The following FSTL5 variants were observed in gnomAD, a reference collection of about 807,000 sequenced individuals.
FSTL5 encodes follistatin like 5.
In FSTL5, 62 loss-of-function variants were observed where a neutral mutation model predicts 89.1. The observed-to-expected ratio is 0.70, with a 90% CI of 0.57 to 0.86. FSTL5 has a LOEUF of 0.86. FSTL5 is among the 40% of genes least tolerant of loss of function. The pLI is 0.00. For synonymous variants in FSTL5, 383 were observed against 346.2 expected (o/e 1.11, Z -1.18); for missense variants, 1,057 against 1,001.6 (o/e 1.06, Z -0.75).
intron 4 of FSTL5, among the ~76,000 whole-genome samples, chr4:161,841,597 G>A (rs1295714843): frequency 1.3e-5 from 2 of 152,096 alleles, no homozygotes; most frequent in Admixed American, 6.6e-5. Flanking sequence ...CAAAGCCACT[G>A]CTCTCACAGA....
rs1731665797 is a variant in FSTL5, at chr4:161,537,533, C to T, written c.1312+633G>A. 2.0e-5 allele frequency among the ~76,000 whole-genome samples: 3 copies of T among 152,226 alleles called. No individual in the cohort carries two copies. The South Asian group carries it at 6.2e-4, about 31-fold the overall frequency. ...CATCCTCAGCATCCCCACCCTATCTCTACCCCTTTTGCCAAGTAATTAAAC... is the reference window on the plus strand; with the variant it reads ...CATCCTCAGCATCCCCACCCTATCTTTACCCCTTTTGCCAAGTAATTAAAC... On this transcript the variant is annotated intron_variant, in intron 10 of 15. Transcript: ENST00000306100.
intron 3 of FSTL5, among the ~76,000 whole-genome samples, chr4:161,935,006 T>C (rs1009962697): frequency 5.3e-5 from 8 of 152,174 alleles, no homozygotes; most frequent in African/African-American, 1.9e-4. Context: ...TTATGGTGCA[T>C]ACTGATGATG....
intron 3 of FSTL5, among the ~76,000 whole-genome samples, chr4:161,983,820 ACT>A (rs1735891876): frequency 6.6e-6 from 1 of 152,104 alleles, no homozygotes; most frequent in South Asian, 2.1e-4. Context: ...ATTAAATTAA[ACT>A]CACATGATTT....
intron 6 of FSTL5, among the ~76,000 whole-genome samples, chr4:161,703,472 C>A (rs1738471554): frequency 1.3e-5 from 2 of 152,098 alleles, no homozygotes; most frequent in Admixed American, 6.6e-5. Flanking sequence ...TCCTGAGATT[C>A]AAAATTACCC....
At chr4:162,050,175 T>C (rs1311333557) in intron 2 of FSTL5, among the ~76,000 whole-genome samples, 3 of 151,808 alleles carry the variant, frequency 2.0e-5, no homozygotes, top group Admixed American at 2.0e-4. Flanking sequence ...CAATCTAGAA[T>C]TGAAAGGTTT....
At chr4:161,470,880 C>A (rs924330015) in intron 13 of FSTL5, among the ~76,000 whole-genome samples, 1 of 151,172 alleles carries the variant, frequency 6.6e-6, no homozygotes, top group Middle Eastern at 3.4e-3. Context: ...ATTCTATTTG[C>A]AATTTGTTTA....
At chr4:161,538,537 T>C (rs180866555) in intron 9 of FSTL5, among the ~76,000 whole-genome samples, 101 of 152,316 alleles carry the variant, frequency 6.6e-4, no homozygotes, top group African/African-American at 1.9e-3. Context: ...TTATGTTTTG[T>C]ATCATTTTCT....
At chr4:161,994,984 C>T (rs1736246537) in intron 3 of FSTL5, among the ~76,000 whole-genome samples, 1 of 152,092 alleles carries the variant, frequency 6.6e-6, no homozygotes, top group African/African-American at 2.4e-5. Context: ...GATTGTATTG[C>T]CTAGGTTGTC....
intron 1 of FSTL5, among the ~76,000 whole-genome samples, chr4:162,122,260 C>T (rs1731897984): frequency 6.6e-6 from 1 of 152,100 alleles, no homozygotes; most frequent in Non-Finnish European, 1.5e-5. Context: ...AGTCAAAAGA[C>T]ATCATTCTAC....
intron 1 of FSTL5, among the ~76,000 whole-genome samples, chr4:162,129,346 T>C (rs909229162): frequency 3.3e-5 from 5 of 152,254 alleles, no homozygotes; most frequent in Non-Finnish European, 5.9e-5. Flanking sequence ...ATCATTTGTA[T>C]GTTAAGCTTT....
At chr4:161,425,166 A>G (rs1308361007) in intron 15 of FSTL5, among the ~76,000 whole-genome samples, 1 of 152,206 alleles carries the variant, frequency 6.6e-6, no homozygotes, top group Non-Finnish European at 1.5e-5. Context: ...CAAATAACAC[A>G]CTGCAAATGA....
chr4:161,791,020 C>T (rs1729452289), intron 4 of FSTL5, among the ~76,000 whole-genome samples: 1 of 151,940 alleles, frequency 6.6e-6, no homozygotes, highest in African/African-American at 2.4e-5. Flanking sequence ...GACAAAACAG[C>T]AAGATGCATG....
chr4:161,837,652 C>T (rs955657200), intron 4 of FSTL5, among the ~76,000 whole-genome samples: 2 of 151,952 alleles, frequency 1.3e-5, no homozygotes, highest in Admixed American at 1.3e-4. Flanking sequence ...CTATCATAGC[C>T]TGTTCATGAT....
rs1733967585 is a variant in FSTL5 at position 161,920,602 on chromosome 4, C to T, written c.211G>A (p.Gly71Ser). 6.2e-6 allele frequency: 10 copies of T among 1,613,750 alleles called. No homozygotes were observed. The highest frequency in any genetic ancestry group is 7.6e-6 in the Non-Finnish European group (9 of 1,179,886). ...PFGSCENKYC[G>S]LGRHCVTSRE... ...CTGGTAACACAGTGTCTTCCCAAACCACAGTACTTATTTTCACAAGATCCA... is the reference window on the plus strand; with the variant it reads ...CTGGTAACACAGTGTCTTCCCAAACTACAGTACTTATTTTCACAAGATCCA... The change falls in exon 4 of 16, where the codon GGT becomes AGT. Residue 71 changes from glycine to serine, a missense_variant. By Grantham distance (56) the Gly-to-Ser change is moderately conservative. Transcript: ENST00000306100.
intron 4 of FSTL5, among the ~76,000 whole-genome samples, chr4:161,834,901 C>A (rs545118399): frequency 6.6e-6 from 1 of 151,132 alleles, no homozygotes; most frequent in African/African-American, 2.5e-5. Context: ...AGATTCAATG[C>A]CATCCCCATC....
intron 7 of FSTL5, among the ~76,000 whole-genome samples, chr4:161,589,480 G>T (rs1050772428): frequency 6.6e-6 from 1 of 152,052 alleles, no homozygotes; most frequent in Non-Finnish European, 1.5e-5. Context: ...ACTACGCCCA[G>T]CTAATTTTTG....
chr4:161,907,229 ACT>A (rs1306291820), intron 4 of FSTL5, among the ~76,000 whole-genome samples: 4 of 152,016 alleles, frequency 2.6e-5, no homozygotes, highest in African/African-American at 9.7e-5. Context: ...TGGAAAAGAC[ACT>A]CTCTACAAAC....
At chr4:161,826,249 T>C (rs2126856168) in intron 4 of FSTL5, among the ~76,000 whole-genome samples, 1 of 152,250 alleles carries the variant, frequency 6.6e-6, no homozygotes, top group South Asian at 2.1e-4. Flanking sequence ...GAGAGTAATA[T>C]AATTTCAATT....
rs552854318 is a variant in FSTL5 at position 161,410,159 on chromosome 4, T to C, written c.1842-23710A>G. ...ATGAAGATTACATAATGATAAAAGGTACAATCCACCAGGAAGCCTTAACTA... is the reference window on the plus strand; with the variant it reads ...ATGAAGATTACATAATGATAAAAGGCACAATCCACCAGGAAGCCTTAACTA... On this transcript the variant is annotated intron_variant, in intron 15 of 15. Transcript: ENST00000306100. Among the ~76,000 whole-genome samples, 73 of 152,162 alleles carry C rather than the reference T, an allele frequency of 4.8e-4. 1 individual carries two copies. In the Middle Eastern group the frequency reaches 0.014, roughly 28 times the overall value.
Sources: allele counts gnomAD v4.1 joint callset (sites outside exome capture counted in the v4.1 genomes callset), GRCh38; gene constraint gnomAD v4.1.1; transcripts MANE v1.5; gene names NCBI Gene and HGNC (gene_info 2026-07-23, HGNC 2026-07-21).